Variants in RAP1A observed in about 807,000 individuals in gnomAD.
RAP1A encodes the protein ras-related protein Rap-1A.
In RAP1A, 6 loss-of-function variants were observed where a neutral mutation model predicts 26.4. The observed-to-expected ratio is 0.23, with a 90% CI of 0.12 to 0.45. RAP1A has a LOEUF of 0.45. Ranked by LOEUF, RAP1A falls within the 20% of genes least tolerant of loss-of-function variation. RAP1A has a pLI of 0.99. For synonymous variants in RAP1A, 73 were observed against 79.4 expected (o/e 0.92, Z 0.43); for missense variants, 121 against 217.2 (o/e 0.56, Z 2.78).
intron 6 of RAP1A, chr1:111,706,564 A>T: frequency 3.6e-6 from 1 of 276,536 alleles, no homozygotes; most frequent in Non-Finnish European, 5.5e-6. Context: ...ATCAAGAATT[A>T]ATTGTTCTTT....
intron 1 of RAP1A, chr1:111,648,673 G>T: frequency 1.8e-6 from 1 of 542,010 alleles, no homozygotes; most frequent in Non-Finnish European, 3.5e-6. Flanking sequence ...TTTAAGGACT[G>T]GACTGTATGT....
In RAP1A at chr1:111,712,734, A is replaced by G. The variant is rs1178238460; in HGVS notation, c.*333A>G. On this transcript the variant is annotated 3_prime_UTR_variant, in exon 8 of 8. Transcript: ENST00000369709. ...TGTTAGATATTGCTACTATAATCAA[A>G]TGATTTCATATTGATCTTTTTATCA... 6.6e-6 allele frequency: 1 copy of G among 152,540 alleles called. No homozygotes were observed. The highest frequency in any genetic ancestry group is 6.5e-5 in the Admixed American group (1 of 15,280). 9.4% of individuals were successfully genotyped at this position (152,540 alleles called of 1,614,324 possible). A position where few individuals can be genotyped will look rare whatever the true frequency, so the allele number is the denominator to read the frequency against.
At chr1:111,566,339 A>G (rs1359843802) in intron 1 of RAP1A, among the ~76,000 whole-genome samples, 2 of 152,180 alleles carry the variant, frequency 1.3e-5, no homozygotes, top group Non-Finnish European at 2.9e-5. Flanking sequence ...ATGAGAGGTC[A>G]AGTTGGCTAG....
intron 1 of RAP1A, among the ~76,000 whole-genome samples, chr1:111,640,171 T>C (rs1408499554): frequency 6.6e-6 from 1 of 152,252 alleles, no homozygotes; most frequent in Non-Finnish European, 1.5e-5. Flanking sequence ...ACTTCTTTGT[T>C]TTTTGAAGAC....
intron 1 of RAP1A, among the ~76,000 whole-genome samples, chr1:111,639,541 C>A (rs1167879869): frequency 6.7e-6 from 1 of 149,724 alleles, no homozygotes; most frequent in Non-Finnish European, 1.5e-5. Flanking sequence ...ATACTATATA[C>A]TATTAGTAAC....
In RAP1A at chr1:111,716,157, T is replaced by C. The variant is rs1662537070; in HGVS notation, c.*3756T>C. On this transcript the variant is annotated 3_prime_UTR_variant, in exon 8 of 8. Coordinates refer to ENST00000369709, the MANE Select transcript of RAP1A (RefSeq NM_002884.4). ...GCTAAATATGTGTTAAAATATCCCC[T>C]CTTGAATCAGCTCCAGGCTTAAAAG... 1 of 152,250 alleles carries C rather than the reference T, an allele frequency of 6.6e-6. No homozygotes were observed. Among genetic ancestry groups the C allele is most frequent in the African/African-American group, 2.4e-5 (1 of 41,460 alleles). The allele number at this position is 152,250 out of a possible 1,614,324, so 9.4% of individuals were successfully genotyped here. A position where few individuals can be genotyped will look rare whatever the true frequency, so the allele number is the denominator to read the frequency against.
chr1:111,608,487 C>T (rs2101078045), intron 1 of RAP1A: 2 of 168,792 alleles, frequency 1.2e-5, no homozygotes, highest in South Asian at 2.0e-4. Context: ...CTCCTCACTT[C>T]CCAGACGGGG....
Position 111,704,336 on chromosome 1 carries a change from C to G in RAP1A, c.325-7C>G, listed in dbSNP as rs1448318784. 6.2e-7 allele frequency: 1 copy of G among 1,610,602 alleles called. No individual in the cohort carries two copies. The highest frequency in any genetic ancestry group is 8.5e-7 in the Non-Finnish European group (1 of 1,178,766). On this transcript the variant is annotated splice_region_variant and splice_polypyrimidine_tract_variant and intron_variant, in intron 5 of 7. Transcript: ENST00000369709. ...ATTGTTCATTTTACGTTTTTTTCTT[C>G]CCACAGGTTCCAATGATTTTGGTTG...
intron 1 of RAP1A, among the ~76,000 whole-genome samples, chr1:111,628,511 A>G (rs1232231516): frequency 6.6e-6 from 1 of 152,220 alleles, no homozygotes; most frequent in African/African-American, 2.4e-5. Flanking sequence ...ATAAGTGTAG[A>G]CTTTTTCAGG....
chr1:111,682,309 C>G (rs965592388), intron 1 of RAP1A, among the ~76,000 whole-genome samples: 41 of 151,508 alleles, frequency 2.7e-4, no homozygotes, highest in African/African-American at 8.7e-4. Context: ...ATAACCAGAT[C>G]AAATTCACAC....
intron 1 of RAP1A, among the ~76,000 whole-genome samples, chr1:111,648,135 A>G (rs981950911): frequency 6.7e-5 from 10 of 149,866 alleles, no homozygotes; most frequent in Non-Finnish European, 1.3e-4. Context: ...CAGTGGCACA[A>G]TCTTGGCTCA....
intron 1 of RAP1A, among the ~76,000 whole-genome samples, chr1:111,603,790 C>T (rs1658716372): frequency 6.6e-6 from 1 of 152,098 alleles, no homozygotes; most frequent in African/African-American, 2.4e-5. Context: ...TTTAAAAAAA[C>T]TTCCTTCTCT....
chr1:111,562,984 A>G (rs1657801441), intron 1 of RAP1A, among the ~76,000 whole-genome samples: 1 of 152,236 alleles, frequency 6.6e-6, no homozygotes, highest in Non-Finnish European at 1.5e-5. Context: ...TATCTTTTGA[A>G]ATTCTCACAA....
chr1:111,619,813 G>T lies in RAP1A; in HGVS notation c.-149G>T. 2 of 399,648 alleles carry T rather than the reference G, an allele frequency of 5.0e-6. No individual in the cohort carries two copies. The allele number at this position is 399,648 out of a possible 1,614,324, so 24.8% of individuals were successfully genotyped here. On this transcript the variant is annotated 5_prime_UTR_variant, in exon 1 of 8. Transcript: ENST00000369709. The stretch of plus-strand genomic sequence containing the variant: ...CGCCGCCGCTCCCGAGGCCCCTGCC[G>T]CCGCCGCTCCCGCTGCTGTCGCCGC...
intron 1 of RAP1A, among the ~76,000 whole-genome samples, chr1:111,642,101 C>T (rs113575865): frequency 3.3e-5 from 5 of 151,950 alleles, no homozygotes; most frequent in Non-Finnish European, 5.9e-5. Context: ...AACAGTTAGC[C>T]GGGTGTGGTG....
At chr1:111,647,685 G>T (rs952759750) in intron 1 of RAP1A, among the ~76,000 whole-genome samples, 3 of 151,148 alleles carry the variant, frequency 2.0e-5, no homozygotes, top group East Asian at 1.9e-4. Flanking sequence ...CTACTGTAAG[G>T]TTTCTTAGAA....
At chr1:111,706,572 T>C (rs1662200554) in intron 6 of RAP1A, 1 of 319,312 alleles carries the variant, frequency 3.1e-6, no homozygotes, top group Non-Finnish European at 4.5e-6. Flanking sequence ...TTAATTGTTC[T>C]TTGCTGAGGC....
chr1:111,631,474 T>C (rs1315939903), intron 1 of RAP1A, among the ~76,000 whole-genome samples: 1 of 152,180 alleles, frequency 6.6e-6, no homozygotes, highest in Admixed American at 6.5e-5. Flanking sequence ...ATCTACAAAG[T>C]AGATATTGTT....
intron 1 of RAP1A, among the ~76,000 whole-genome samples, chr1:111,684,262 G>A (rs984870150): frequency 2.6e-5 from 4 of 151,834 alleles, no homozygotes; most frequent in African/African-American, 4.8e-5. Context: ...AAGACAAGGT[G>A]CCCTCTCACC....
Sources: gnomAD v4.1 joint callset for allele counts (sites outside exome capture counted in the v4.1 genomes callset) on GRCh38, gnomAD v4.1.1 for gene constraint, MANE v1.5 for transcripts, NCBI Gene and HGNC (gene_info 2026-07-23, HGNC 2026-07-21) for gene names.